Variants in SDK2 observed in about 807,000 individuals in gnomAD.
SDK2 encodes the protein sidekick cell adhesion molecule 2.
A neutral mutation model predicts 253.9 loss-of-function variants in SDK2; 105 were observed. That is an observed-to-expected ratio of 0.41 (90% confidence interval 0.35 to 0.49). SDK2 has a LOEUF of 0.49. Ranked by LOEUF, SDK2 falls within the 20% of genes least tolerant of loss-of-function variation. SDK2 has a pLI of 0.06. For missense variants in SDK2, 2,608 were observed against 3,003.0 expected, an observed-to-expected ratio of 0.87 and a Z score of 3.07; for synonymous variants, 1,249 against 1,234.9, an observed-to-expected ratio of 1.01 and a Z score of -0.24.
intron 2 of SDK2, among the ~76,000 whole-genome samples, chr17:73,498,606 A>G (rs1175894837): frequency 6.6e-6 from 1 of 152,166 alleles, no homozygotes; most frequent in Non-Finnish European, 1.5e-5. Context: ...TCTTAACTTT[A>G]TGATTTCAGA....
At chr17:73,595,167 G>A (rs2045737777) in intron 1 of SDK2, among the ~76,000 whole-genome samples, 5 of 152,154 alleles carry the variant, frequency 3.3e-5, no homozygotes, top group Admixed American at 3.3e-4. Context: ...AGCCACAGAA[G>A]GGGTGTCAGT....
At chr17:73,392,356 G>A (rs188803421) in intron 27 of SDK2, among the ~76,000 whole-genome samples, 1 of 151,808 alleles carries the variant, frequency 6.6e-6, no homozygotes, top group African/African-American at 2.4e-5. Flanking sequence ...TGCAAGCTCC[G>A]CCTCCCGGGT....
chr17:73,471,345 C>A (rs953433653), intron 3 of SDK2, among the ~76,000 whole-genome samples: 2 of 152,150 alleles, frequency 1.3e-5, no homozygotes, highest in African/African-American at 4.8e-5. Flanking sequence ...CACCTGTAAA[C>A]CCAGCACTTT....
intron 1 of SDK2, among the ~76,000 whole-genome samples, chr17:73,545,993 A>G (rs1194766349): frequency 2.0e-5 from 3 of 152,220 alleles, no homozygotes; most frequent in South Asian, 2.1e-4. Context: ...GATGAGGCCA[A>G]TCCCTACATA....
intron 12 of SDK2, among the ~76,000 whole-genome samples, chr17:73,426,072 T>C (rs2063279380): frequency 6.6e-6 from 1 of 151,824 alleles, no homozygotes; most frequent in Non-Finnish European, 1.5e-5. Flanking sequence ...TGAGACAGAA[T>C]CTCACTCTGT....
chr17:73,440,997 T>A, intron 5 of SDK2, 74 bp from the exon 6 acceptor site: 1 of 1,132,602 alleles, frequency 8.8e-7, no homozygotes, highest in South Asian at 1.5e-5. Context: ...TAGAGGCTGA[T>A]GCCCTGGGAG....
intron 1 of SDK2, among the ~76,000 whole-genome samples, chr17:73,575,965 G>C (rs1215449947): frequency 6.6e-6 from 1 of 152,226 alleles, no homozygotes; most frequent in Non-Finnish European, 1.5e-5. Flanking sequence ...CCCAATACAT[G>C]CAGCACTGAG....
Position 73,398,611 on chromosome 17 carries a change from C to T in SDK2, c.3094-182G>A, listed in dbSNP as rs543599874. 2.0e-5 allele frequency among the ~76,000 whole-genome samples: 3 copies of T among 152,334 alleles called. No homozygotes were observed. In the East Asian group the frequency reaches 5.8e-4, roughly 29 times the overall value. ...ACATGACTGCAAGTGTGACTCAACC[C>T]TCCTGCCTTAGAATCTCTCAGGATG... On this transcript the variant is annotated intron_variant, in intron 22 of 44. Coordinates refer to ENST00000392650, the MANE Select transcript of SDK2 (RefSeq NM_001144952.2).
chr17:73,544,295 G>A (rs770275028), intron 1 of SDK2, among the ~76,000 whole-genome samples: 9 of 152,214 alleles, frequency 5.9e-5, no homozygotes, highest in Non-Finnish European at 1.2e-4. Context: ...TGGATGGGCT[G>A]GGGTCTGCCA....
chr17:73,565,089 T>C (rs958126490), intron 1 of SDK2, among the ~76,000 whole-genome samples: 1 of 152,166 alleles, frequency 6.6e-6, no homozygotes, highest in African/African-American at 2.4e-5. Flanking sequence ...TCCTGCCAAG[T>C]GGGGTGGCTA....
At chr17:73,380,617 T>TCACTGTCCCCCGACCCAGCC (rs2062822355) in intron 34 of SDK2, among the ~76,000 whole-genome samples, 1 of 152,128 alleles carries the variant, frequency 6.6e-6, no homozygotes, top group African/African-American at 2.4e-5. Context: ...GCGGCCCCGC[T>TCACTGTCCCCCGACCCAGCC]GTCACTGTCC....
At chr17:73,451,684 T>A (rs145831242) in intron 4 of SDK2, among the ~76,000 whole-genome samples, 1 of 152,248 alleles carries the variant, frequency 6.6e-6, no homozygotes, top group African/African-American at 2.4e-5. Flanking sequence ...GAGGCAGAGA[T>A]ACCTTTTGAC....
intron 22 of SDK2, 30 bp from the exon 23 acceptor site, chr17:73,398,459 C>T (rs2062991189): frequency 1.3e-6 from 2 of 1,585,500 alleles, no homozygotes; most frequent in Non-Finnish European, 8.7e-7. Flanking sequence ...TAGGCCTGTC[C>T]AGCCTACAGG....
chr17:73,359,888 C>T (rs565321815), intron 39 of SDK2, among the ~76,000 whole-genome samples: 5 of 152,260 alleles, frequency 3.3e-5, no homozygotes, highest in East Asian at 1.9e-4. Flanking sequence ...GCAATCCACC[C>T]GCCTCCACCT....
In SDK2 at chr17:73,462,994, G is replaced by A. The variant is rs139869033; in HGVS notation, c.332-6941C>T. Among the ~76,000 whole-genome samples, 112 of 152,304 alleles carry A rather than the reference G, an allele frequency of 7.4e-4. No individual in the cohort carries two copies. The East Asian group carries it at 8.5e-3, about 12-fold the overall frequency. On this transcript the variant is annotated intron_variant, in intron 3 of 44. Transcript: ENST00000392650. ...TATGCACTGAACCACAGCAGCAAGA[G>A]GCTGCTAAGAGGCGGTCTGTTCAGC...
chr17:73,496,563 C>T lies in SDK2; in HGVS notation c.224+10875G>A, dbSNP rs947741753. Among the ~76,000 whole-genome samples the T allele has an allele frequency of 6.6e-5, 10 of 152,100 alleles. No individual in the cohort carries two copies. The highest frequency in any genetic ancestry group is 1.9e-4 in the African/African-American group (8 of 41,428). On this transcript the variant is annotated intron_variant, in intron 2 of 44. Transcript: ENST00000392650. This position sits in a 1 kb window ranked among gnomAD's most constrained non-coding sequence, Gnocchi z 4.7. ...GGAGGCTGGACAGATGGACAGGACC[C>T]GGTGATACAGGGTCTTGTACTCCCT...
intron 3 of SDK2, among the ~76,000 whole-genome samples, chr17:73,466,440 T>A (rs935695105): frequency 1.3e-5 from 2 of 152,018 alleles, no homozygotes; most frequent in African/African-American, 4.8e-5. Flanking sequence ...TTGCCTAAGG[T>A]CACTTGTGGG....
chr17:73,514,424 T>G (rs1228508328), intron 1 of SDK2, among the ~76,000 whole-genome samples: 1 of 152,146 alleles, frequency 6.6e-6, no homozygotes, highest in African/African-American at 2.4e-5. Context: ...CTTTTCCCCT[T>G]CTCTGCAAAA....
At chr17:73,548,242 G>A (rs1413246994) in intron 1 of SDK2, among the ~76,000 whole-genome samples, 1 of 152,216 alleles carries the variant, frequency 6.6e-6, no homozygotes, top group Admixed American at 6.5e-5. Context: ...TGGCAGTGGT[G>A]GCATTCAATC....
Sources: allele counts gnomAD v4.1 joint callset (sites outside exome capture counted in the v4.1 genomes callset), GRCh38; gene constraint gnomAD v4.1.1; non-coding constraint Gnocchi (gnomAD v3.1); transcripts MANE v1.5; gene names NCBI Gene and HGNC (gene_info 2026-07-23, HGNC 2026-07-21).